The following TENM2 variants were observed in gnomAD, a reference collection of about 807,000 sequenced individuals.
The protein encoded by TENM2 is teneurin transmembrane protein 2.
TENM2 carries 52 observed loss-of-function variants against 245.2 expected under a neutral mutation model. The observed-to-expected ratio is 0.21, with a 90% CI of 0.17 to 0.27. The LOEUF (loss-of-function observed/expected upper bound fraction) is 0.27. TENM2 is among the 10% of genes least tolerant of loss of function. The pLI is 1.00. For synonymous variants in TENM2, 1,363 were observed against 1,438.9 expected, an observed-to-expected ratio of 0.95 and a Z score of 1.19; for missense variants, 3,046 against 3,666.8, an observed-to-expected ratio of 0.83 and a Z score of 4.37.
the TENM2 span, among the ~76,000 whole-genome samples, chr5:167,080,207 C>A: frequency 3.9e-5 from 6 of 152,114 alleles, no homozygotes; most frequent in African/African-American, 1.4e-4. Context: ...GATTAAGTAA[C>A]ATGTTTTTAA....
chr5:167,142,026 G>C, the TENM2 span, among the ~76,000 whole-genome samples: 3 of 152,064 alleles, frequency 2.0e-5, no homozygotes, highest in East Asian at 3.9e-4. Flanking sequence ...AACTCGGAGG[G>C]GGGGGATGAA....
intron 2 of TENM2, among the ~76,000 whole-genome samples, chr5:167,798,052 C>T (rs1765445357): frequency 6.6e-6 from 1 of 152,186 alleles, no homozygotes; most frequent in Non-Finnish European, 1.5e-5. Context: ...AAGTGCATTT[C>T]ATAATCTTTT....
At chr5:168,194,372 A>G (rs930241824) in intron 14 of TENM2, among the ~76,000 whole-genome samples, 1 of 152,160 alleles carries the variant, frequency 6.6e-6, no homozygotes, top group Non-Finnish European at 1.5e-5. Context: ...TCCCAGGGGT[A>G]GCTGGTTGGA....
chr5:167,058,280 C>T, the TENM2 span, among the ~76,000 whole-genome samples: 3 of 152,034 alleles, frequency 2.0e-5, no homozygotes, highest in Non-Finnish European at 4.4e-5. Context: ...AATAGGCATT[C>T]TATAAATAAT....
At chr5:167,812,016 T>A (rs1766679611) in intron 2 of TENM2, among the ~76,000 whole-genome samples, 1 of 152,134 alleles carries the variant, frequency 6.6e-6, no homozygotes, top group African/African-American at 2.4e-5. Flanking sequence ...ACATGGAAAG[T>A]TCCCTGCAAA....
At chr5:168,161,819 C>CACACACAT (rs1008716329) in intron 12 of TENM2, among the ~76,000 whole-genome samples, 1 of 147,318 alleles carries the variant, frequency 6.8e-6, no homozygotes, top group African/African-American at 2.5e-5. Flanking sequence ...CGCATGTATA[C>CACACACAT]ACACACACAC....
intron 2 of TENM2, among the ~76,000 whole-genome samples, chr5:167,868,663 C>T (rs10061595): frequency 0.13 from 19,081 of 146,954 alleles, 1,308 homozygotes; most frequent in Non-Finnish European, 0.14. Context: ...CTTGAACCTA[C>T]GAGGCAGAGG....
At chr5:167,300,145 T>G (rs1026251661) in intron 1 of TENM2, among the ~76,000 whole-genome samples, 4 of 152,092 alleles carry the variant, frequency 2.6e-5, no homozygotes, top group African/African-American at 9.7e-5. Flanking sequence ...GGAGTTGTTG[T>G]TTTGTAAGGG....
At chr5:167,799,671 G>T (rs1765566038) in intron 2 of TENM2, among the ~76,000 whole-genome samples, 1 of 152,184 alleles carries the variant, frequency 6.6e-6, no homozygotes, top group Non-Finnish European at 1.5e-5. Flanking sequence ...AGCTCTCCTT[G>T]CAGACATGCC....
chr5:167,415,847 A>T (rs1027689308), intron 2 of TENM2, among the ~76,000 whole-genome samples: 4 of 152,226 alleles, frequency 2.6e-5, no homozygotes, highest in African/African-American at 9.6e-5. Flanking sequence ...TTGAAGTGCT[A>T]GGGCCCCTTG....
At chr5:167,558,896 C>A (rs1218995068) in intron 2 of TENM2, among the ~76,000 whole-genome samples, 3 of 150,258 alleles carry the variant, frequency 2.0e-5, no homozygotes, top group Admixed American at 6.6e-5. Flanking sequence ...AAAAAAAAAA[C>A]TGAGTACATA....
the TENM2 span, among the ~76,000 whole-genome samples, chr5:167,236,674 T>C: frequency 1.3e-5 from 2 of 152,202 alleles, no homozygotes; most frequent in Non-Finnish European, 2.9e-5. Context: ...AATCTGGGAA[T>C]GTGCATAAGG....
At chr5:168,117,885 A>G (rs866758818) in intron 9 of TENM2, among the ~76,000 whole-genome samples, 1 of 152,186 alleles carries the variant, frequency 6.6e-6, no homozygotes, top group South Asian at 2.1e-4. Flanking sequence ...GAAGGGTACC[A>G]CTTCAAAGTT....
rs141653741 is a variant in TENM2 at position 167,421,846 on chromosome 5, A to G, written c.502+46373A>G. ...CTCCCTCTGTCGCCCAGGCTGGAGTACAGTGCCATGATCTTGGCTCACTGC... is the reference window on the plus strand; with the variant it reads ...CTCCCTCTGTCGCCCAGGCTGGAGTGCAGTGCCATGATCTTGGCTCACTGC... On this transcript the variant is annotated intron_variant, in intron 2 of 28. Coordinates refer to ENST00000518659, the Ensembl canonical transcript of TENM2. Among the ~76,000 whole-genome samples, 949 of 152,170 alleles carry G rather than the reference A, an allele frequency of 6.2e-3. 5 individuals are homozygous for G. The highest frequency in any genetic ancestry group is 0.01 in the Non-Finnish European group (712 of 67,970).
At chr5:168,236,553 C>T (rs1174436065) in intron 25 of TENM2, among the ~76,000 whole-genome samples, 3 of 152,170 alleles carry the variant, frequency 2.0e-5, no homozygotes, top group Non-Finnish European at 4.4e-5. Context: ...AAATCATCCT[C>T]ATCAGTCCCA....
intron 2 of TENM2, among the ~76,000 whole-genome samples, chr5:167,538,720 C>T (rs963285184): frequency 1.3e-5 from 2 of 152,154 alleles, no homozygotes; most frequent in African/African-American, 4.8e-5. Context: ...TCATAGATGA[C>T]CTTCTCCTCT....
chr5:167,953,331 G>A (rs765182670), intron 4 of TENM2: 4 of 156,314 alleles, frequency 2.6e-5, no homozygotes, highest in Non-Finnish European at 5.7e-5. Context: ...CTAACAGCTT[G>A]ATGCCTGTGG....
chr5:167,576,414 T>C (rs1335118991), intron 2 of TENM2, among the ~76,000 whole-genome samples: 2 of 152,134 alleles, frequency 1.3e-5, no homozygotes, highest in African/African-American at 4.8e-5. Context: ...CAAACTCTGC[T>C]GATAGCATTT....
chr5:167,022,260 A>G, the TENM2 span, among the ~76,000 whole-genome samples: 29 of 152,226 alleles, frequency 1.9e-4, no homozygotes, highest in African/African-American at 3.1e-4. Context: ...AAATATTCCA[A>G]TGAAGAGTCA....
Sources: gnomAD v4.1 joint callset for allele counts (sites outside exome capture counted in the v4.1 genomes callset) on GRCh38, gnomAD v4.1.1 for gene constraint, MANE v1.5 for transcripts, NCBI Gene and HGNC (gene_info 2026-07-23, HGNC 2026-07-21) for gene names.